The following GOLGA5 variants were observed in gnomAD, a reference collection of about 807,000 sequenced individuals.
The protein encoded by GOLGA5 is golgin A5.
GOLGA5 carries 50 observed loss-of-function variants against 93.5 expected under a neutral mutation model. The observed-to-expected ratio is 0.53, with a 90% CI of 0.43 to 0.68. The LOEUF is 0.68. Among genes scored for constraint, GOLGA5 ranks in the 30% least tolerant of loss-of-function variants. The pLI, the probability that GOLGA5 is intolerant of heterozygous loss-of-function variation, is 0.00. For synonymous variants in GOLGA5, 312 were observed against 304.5 expected (o/e 1.02, Z -0.26); for missense variants, 760 against 856.4 (o/e 0.89, Z 1.40).
intron 9 of GOLGA5, among the ~76,000 whole-genome samples, chr14:92,832,190 A>T (rs1885544818): frequency 6.6e-6 from 1 of 152,232 alleles, no homozygotes; most frequent in Non-Finnish European, 1.5e-5. Flanking sequence ...AGTATGAAGT[A>T]TGTTGATTAG....
intron 9 of GOLGA5, 49 bp from the exon 10 acceptor site, chr14:92,833,073 G>T (rs1885562854): frequency 4.0e-6 from 4 of 996,622 alleles, no homozygotes; most frequent in Non-Finnish European, 6.4e-6. Context: ...TTTCTGTATT[G>T]TATGACTTTC....
chr14:92,837,339 CTG>C, intron 11 of GOLGA5, 45 bp from the exon 12 acceptor site: 1 of 898,228 alleles, frequency 1.1e-6, no homozygotes, highest in Non-Finnish European at 1.8e-6. Context: ...TTTGTTTTGA[CTG>C]TGACTCTTCT....
chr14:92,823,705 G>A (rs1487823168), intron 8 of GOLGA5, among the ~76,000 whole-genome samples: 8 of 151,972 alleles, frequency 5.3e-5, no homozygotes, highest in Non-Finnish European at 1.2e-4. Flanking sequence ...GTGAGCTACC[G>A]TGCCCAACCT....
intron 12 of GOLGA5, among the ~76,000 whole-genome samples, chr14:92,838,950 C>T (rs17128624): frequency 0.066 from 10,098 of 152,184 alleles, 405 homozygotes; most frequent in Middle Eastern, 0.12. Flanking sequence ...GCCTCTGAAA[C>T]GACACATTAT....
intron 9 of GOLGA5, among the ~76,000 whole-genome samples, chr14:92,832,087 A>G (rs1272854852): frequency 1.3e-5 from 2 of 152,226 alleles, no homozygotes; most frequent in Non-Finnish European, 2.9e-5. Flanking sequence ...CCCATAAAAC[A>G]GCGTTATCGG....
intron 11 of GOLGA5, among the ~76,000 whole-genome samples, chr14:92,835,938 T>TATACA (rs200628174): frequency 6.6e-6 from 1 of 151,926 alleles, no homozygotes; most frequent in African/African-American, 2.4e-5. Flanking sequence ...TAACCCTGAC[T>TATACA]GTATCTCTTT....
intron 5 of GOLGA5, 50 bp downstream of exon 5, chr14:92,810,427 A>AG (rs1566955072): frequency 7.1e-7 from 1 of 1,415,808 alleles, no homozygotes; most frequent in African/African-American, 1.5e-5. Context: ...CACGGAAAAA[A>AG]TGACTTTATG....
At chr14:92,820,090 C>CG (rs202003234) in intron 8 of GOLGA5, among the ~76,000 whole-genome samples, 2,361 of 152,256 alleles carry the variant, frequency 0.016, 55 homozygotes, top group African/African-American at 0.05. Flanking sequence ...GAACAGTGGG[C>CG]CCAGGAGACC....
At chr14:92,836,570 A>G (rs1358981783) in intron 11 of GOLGA5, among the ~76,000 whole-genome samples, 4 of 152,218 alleles carry the variant, frequency 2.6e-5, no homozygotes, top group Non-Finnish European at 4.4e-5. Context: ...TTGCAGAGGC[A>G]TAATAGATCT....
intron 2 of GOLGA5, among the ~76,000 whole-genome samples, chr14:92,806,252 A>T (rs1884983815): frequency 6.6e-6 from 1 of 152,324 alleles, no homozygotes; most frequent in South Asian, 2.1e-4. Context: ...TTAGAGGTCC[A>T]TATGCCCCAT....
intron 2 of GOLGA5, 150 bp from the exon 3 acceptor site, chr14:92,806,586 T>TA: frequency 8.5e-6 from 5 of 588,562 alleles, no homozygotes; most frequent in Non-Finnish European, 1.5e-5. Context: ...ATGCTGGGAT[T>TA]ACAGGCATGA....
chr14:92,833,306 A>T lies in GOLGA5; in HGVS notation c.1904A>T (p.Asn635Ile). The change falls in exon 10 of 13, where the codon AAT (asparagine) becomes ATT (isoleucine). Residue 635 changes from asparagine to isoleucine, a missense_variant. Physicochemically the swap from Asn to Ile is moderately radical, Grantham distance 149 (BLOSUM62 -3). Transcript: ENST00000163416. The stretch of plus-strand genomic sequence containing the variant: ...AACTCCGCCTCTGGAAGTAGTAGTA[A>T]TGGGTCTTCGATTAATATGTCTGGA... The part of the protein sequence containing the change: ...QMNSASGSSS[N>I]GSSINMSGID... 1 of 1,613,018 alleles carries T rather than the reference A, an allele frequency of 6.2e-7. No homozygotes were observed. Among genetic ancestry groups the T allele is most frequent in the South Asian group, 1.1e-5 (1 of 91,050 alleles).
chr14:92,797,902 A>G lies in GOLGA5; in HGVS notation c.465A>G (p.Thr155=). The change falls in exon 2 of 13, where the codon ACA becomes ACG. Residue 155 remains threonine, a synonymous_variant. Coordinates refer to ENST00000163416, the MANE Select transcript of GOLGA5 (RefSeq NM_005113.4). ...CACCTGTCTTTCAGAGCTCTCAGAC[A>G]TCAAGTGTCAGTTCTGTGAACCCCA... ...GKTPVFQSSQ[T]SSVSSVNPSV... The G allele has an allele frequency of 1.9e-6, 3 of 1,613,284 alleles. No individual in the cohort carries two copies. The highest frequency in any genetic ancestry group is 1.7e-4 in the Middle Eastern group (1 of 6,060).
intron 7 of GOLGA5, among the ~76,000 whole-genome samples, chr14:92,817,100 C>T (rs1199815056): frequency 6.6e-6 from 1 of 152,006 alleles, no homozygotes; most frequent in Non-Finnish European, 1.5e-5. Context: ...GCCACCACAC[C>T]TGGCTAATTT....
In GOLGA5 at chr14:92,810,333, G is replaced by A. The variant is rs941014977; in HGVS notation, c.1072G>A (p.Asp358Asn). 2 of 1,609,486 alleles carry A rather than the reference G, an allele frequency of 1.2e-6. No homozygotes were observed. The highest frequency in any genetic ancestry group is 1.7e-6 in the Non-Finnish European group (2 of 1,177,510). Residue 358 changes from aspartate (D) to asparagine (N), a missense_variant, in exon 5 of 13, where the codon GAT (aspartate) becomes AAT (asparagine). Asp to Asn is a conservative substitution (Grantham distance 23). Coordinates refer to ENST00000163416, the MANE Select transcript of GOLGA5 (RefSeq NM_005113.4). ...TTTTCAGGAGAGACTGCATGAAGCG[G>A]ATGCCACTCTGAAGAGAGAGCAGGA... ...QTFQERLHEA[D>N]ATLKREQESY...
chr14:92,808,874 A>G (rs1186721513), intron 3 of GOLGA5, among the ~76,000 whole-genome samples: 1 of 152,198 alleles, frequency 6.6e-6, no homozygotes, highest in Non-Finnish European at 1.5e-5. Flanking sequence ...AAAGAATAAC[A>G]TCTTTTTGCA....
At position 92,797,970 on chromosome 14, in the gene GOLGA5, G is replaced by A. The variant is rs370631881; in HGVS notation, c.533G>A (p.Ser178Asn). 79 of 1,582,368 alleles carry A rather than the reference G, an allele frequency of 5.0e-5. No individual in the cohort carries two copies. The highest frequency in any genetic ancestry group is 6.6e-5 in the Non-Finnish European group (77 of 1,168,206). ...IKTIEENSFG[S>N]QTHEAASNSD... Reference sequence around the variant, plus strand: ...ACCATTGAAGAAAATTCTTTTGGGAGCCAAACCCACGGTAGTTAATCAGTC... The same window carrying A: ...ACCATTGAAGAAAATTCTTTTGGGAACCAAACCCACGGTAGTTAATCAGTC... The change falls in exon 2 of 13, where the codon AGC (serine) becomes AAC (asparagine). Residue 178 changes from serine (S) to asparagine (N), a missense_variant. Ser to Asn is a conservative substitution (Grantham distance 46). Transcript: ENST00000163416.
In GOLGA5 at chr14:92,794,373, T is replaced by C. The variant is rs1277150300; in HGVS notation, c.-114T>C. 6.6e-6 allele frequency: 1 copy of C among 152,416 alleles called. No homozygotes were observed. The allele number at this position is 152,416 out of a possible 1,614,324, so 9.4% of individuals were successfully genotyped here. ...GGGTCGGGGAGGAGGTTTACTCAGC[T>C]TGGGCCCCCTCCGGGCCAGCCGCCG... On this transcript the variant is annotated 5_prime_UTR_variant, in exon 1 of 13. Transcript: ENST00000163416.
Position 92,798,615 on chromosome 14 carries a change from CTG to C in GOLGA5, c.544+636_544+637del, listed in dbSNP as rs1273978162. The stretch of plus-strand genomic sequence containing the variant: ...TGTGGCTAATTCAAGTACCTACTAA[CTG>C]TTTTAAAATAGCTATAGGCTGGGCG... On this transcript the variant is annotated intron_variant, in intron 2 of 12. Transcript: ENST00000163416. Among the ~76,000 whole-genome samples, 5 of 152,360 alleles carry C rather than the reference CTG, an allele frequency of 3.3e-5. No individual in the cohort carries two copies. The East Asian group carries it at 9.6e-4, about 29-fold the overall frequency.
Sources: allele counts gnomAD v4.1 joint callset (sites outside exome capture counted in the v4.1 genomes callset), GRCh38; gene constraint gnomAD v4.1.1; transcripts MANE v1.5; gene names NCBI Gene and HGNC (gene_info 2026-07-23, HGNC 2026-07-21).